Variants in GTF2E2 observed in about 807,000 individuals in gnomAD.
GTF2E2 encodes the protein transcription initiation factor IIE subunit beta.
A neutral mutation model predicts 40.5 loss-of-function variants in GTF2E2; 21 were observed. That is an observed-to-expected ratio of 0.52 (90% CI 0.37 to 0.75). GTF2E2 has a LOEUF of 0.75. Ranked by LOEUF, GTF2E2 falls within the 30% of genes least tolerant of loss-of-function variation. The probability of loss-of-function intolerance (pLI) is 0.00; values close to 1 mark genes in which losing one functional copy is unlikely to be tolerated. For missense variants in GTF2E2, 298 were observed against 338.4 expected (o/e 0.88, Z 0.94); for synonymous variants, 117 against 121.6 (o/e 0.96, Z 0.25).
At chr8:30,592,575 T>C (rs1157190715) in intron 6 of GTF2E2, among the ~76,000 whole-genome samples, 7 of 152,278 alleles carry the variant, frequency 4.6e-5, no homozygotes, top group African/African-American at 1.7e-4. Context: ...TGATATCAAA[T>C]GGTATAGTAT....
intron 2 of GTF2E2, among the ~76,000 whole-genome samples, 195 bp downstream of exon 2, chr8:30,653,238 T>TA (rs1271695379): frequency 6.6e-6 from 1 of 152,076 alleles, no homozygotes; most frequent in Non-Finnish European, 1.5e-5. Context: ...TTTAAAGAGG[T>TA]AATAACCTAA....
intron 1 of GTF2E2, among the ~76,000 whole-genome samples, chr8:30,655,738 CTG>C (rs1802430026): frequency 6.6e-6 from 1 of 152,194 alleles, no homozygotes; most frequent in Non-Finnish European, 1.5e-5. Context: ...AATAATCAGA[CTG>C]AATTTCAATT....
chr8:30,635,143 T>C lies in GTF2E2; in HGVS notation c.167-20A>G. 7.5e-7 allele frequency: 1 copy of C among 1,332,134 alleles called. No homozygotes were observed. Among genetic ancestry groups the C allele is most frequent in the Non-Finnish European group, 1.1e-6 (1 of 927,862 alleles). 82.5% of individuals were successfully genotyped at this position (1,332,134 alleles called of 1,614,324 possible). A position where few individuals can be genotyped will look rare whatever the true frequency, so the allele number is the denominator to read the frequency against. ...TATGATCTGCAAATGAAGTTCAAAA[T>C]AACATCGTCATATTATGTGTGATTA... is the stretch of plus-strand genomic sequence containing the variant. On this transcript the variant is annotated intron_variant, in intron 2 of 7. Transcript: ENST00000355904.
chr8:30,587,863 C>T (rs1828725840), intron 6 of GTF2E2, among the ~76,000 whole-genome samples: 1 of 124,972 alleles, frequency 8.0e-6, no homozygotes. Context: ...CAGAGCAAGA[C>T]TCCGTCTTAA....
chr8:30,603,970 C>A (rs776808619), intron 6 of GTF2E2, among the ~76,000 whole-genome samples: 3 of 150,208 alleles, frequency 2.0e-5, no homozygotes, highest in Non-Finnish European at 4.4e-5. Flanking sequence ...ACAGAATTAT[C>A]AAAATTGACT....
chr8:30,645,728 G>A lies in GTF2E2; in HGVS notation c.166+7705C>T, dbSNP rs1165719452. The A allele has an allele frequency of 4.3e-6, 4 of 923,290 alleles. No individual in the cohort carries two copies. The African/African-American group carries it at 6.7e-5, about 15-fold the overall frequency. The allele number at this position is 923,290 out of a possible 1,614,324, so 57.2% of individuals were successfully genotyped here. On this transcript the variant is annotated intron_variant, in intron 2 of 7. Transcript: ENST00000355904. ...TGGTTAAAACATTTCTAGTAGAAGG[G>A]GAAAAAAAAGTTAAACATGCACTGT...
At chr8:30,646,279 T>C (rs1229737735) in intron 2 of GTF2E2, among the ~76,000 whole-genome samples, 1 of 152,084 alleles carries the variant, frequency 6.6e-6, no homozygotes, top group Admixed American at 6.6e-5. Context: ...ATTTCCTGAG[T>C]TTGTTCTTTC....
Position 30,628,208 on chromosome 8 carries a change from A to G in GTF2E2, c.258+6824T>C, listed in dbSNP as rs1263659080. On this transcript the variant is annotated intron_variant, in intron 3 of 7. Coordinates refer to ENST00000355904, the MANE Select transcript of GTF2E2 (RefSeq NM_002095.6). The stretch of plus-strand genomic sequence containing the variant: ...CCAAGCTTCTGCCCAACTGAGAACA[A>G]GTAAGTTGCCTACTTTGATCAGGTG... Among the ~76,000 whole-genome samples, 3 of 152,330 alleles carry G rather than the reference A, an allele frequency of 2.0e-5. No individual in the cohort carries two copies. In the East Asian group the frequency reaches 5.8e-4, roughly 29 times the overall value.
At chr8:30,594,655 C>T (rs1234000823) in intron 6 of GTF2E2, among the ~76,000 whole-genome samples, 1 of 151,080 alleles carries the variant, frequency 6.6e-6, no homozygotes, top group Non-Finnish European at 1.5e-5. Flanking sequence ...GTCAGAAGTT[C>T]GAGACCAGCC....
intron 5 of GTF2E2, among the ~76,000 whole-genome samples, chr8:30,610,360 T>A (rs1829444660): frequency 6.7e-6 from 1 of 149,920 alleles, no homozygotes; most frequent in Non-Finnish European, 1.5e-5. Context: ...GCAGGACTAC[T>A]GCTTGAACCT....
At position 30,647,725 on chromosome 8, in the gene GTF2E2, T is replaced by C. The variant is rs80160651; in HGVS notation, c.166+5708A>G. Among the ~76,000 whole-genome samples the C allele has an allele frequency of 5.3e-3, 803 of 152,384 alleles. 8 individuals carry two copies. Among genetic ancestry groups the C allele is most frequent in the African/African-American group, 0.019 (777 of 41,598 alleles). On this transcript the variant is annotated intron_variant, in intron 2 of 7. Coordinates refer to ENST00000355904, the MANE Select transcript of GTF2E2 (RefSeq NM_002095.6). ...TGAAGCTTGGATATATAAAATACTT[T>C]GGAAACCAGGAACTGAGCACTGTTA...
chr8:30,615,508 A>G (rs1800893610), intron 3 of GTF2E2, among the ~76,000 whole-genome samples: 1 of 152,234 alleles, frequency 6.6e-6, no homozygotes, highest in Non-Finnish European at 1.5e-5. Context: ...ATTAGAAGAC[A>G]GATTAACTAC....
intron 5 of GTF2E2, among the ~76,000 whole-genome samples, chr8:30,611,545 T>C (rs1292631525): frequency 6.6e-6 from 1 of 151,568 alleles, no homozygotes; most frequent in African/African-American, 2.4e-5. Flanking sequence ...AAAAATACAA[T>C]TAAAAAATTC....
At chr8:30,644,279 G>A (rs1801975027) in intron 2 of GTF2E2, among the ~76,000 whole-genome samples, 1 of 152,112 alleles carries the variant, frequency 6.6e-6, no homozygotes, top group Non-Finnish European at 1.5e-5. Flanking sequence ...TTGTGAAATG[G>A]AATAATAACT....
At chr8:30,604,827 T>C (rs544028504) in intron 6 of GTF2E2, among the ~76,000 whole-genome samples, 33 of 152,110 alleles carry the variant, frequency 2.2e-4, no homozygotes, top group Admixed American at 5.2e-4. Flanking sequence ...AATAAGGAAA[T>C]AGAAAAGAGT....
Position 30,578,939 on chromosome 8 carries a change from G to A in GTF2E2, c.858C>T (p.Asp286=), listed in dbSNP as rs750601837. 3 of 1,565,102 alleles carry A rather than the reference G, an allele frequency of 1.9e-6. No homozygotes were observed. Among genetic ancestry groups the A allele is most frequent in the Non-Finnish European group, 2.6e-6 (3 of 1,135,282 alleles). Residue 286 remains aspartate (D), a synonymous_variant, in exon 8 of 8, where the codon GAC becomes GAT. Transcript: ENST00000355904. ...CTGTTCCCTATTTGCTGGAAGTAATGTCAGAGTAATCCTTCAGCACTCCAG... is the reference window on the plus strand; with the variant it reads ...CTGTTCCCTATTTGCTGGAAGTAATATCAGAGTAATCCTTCAGCACTCCAG... ...HLAGVLKDYS[D]ITSSK is the part of the protein sequence containing the mutation.
intron 5 of GTF2E2, among the ~76,000 whole-genome samples, chr8:30,611,608 C>A (rs1383162508): frequency 6.6e-6 from 1 of 152,064 alleles, no homozygotes; most frequent in African/African-American, 2.4e-5. Flanking sequence ...GTGAACTTGA[C>A]AATGGATTAA....
chr8:30,614,423 C>T (rs1800851828), intron 4 of GTF2E2, among the ~76,000 whole-genome samples, 185 bp downstream of exon 4: 1 of 151,848 alleles, frequency 6.6e-6, no homozygotes, highest in East Asian at 1.9e-4. Context: ...CTACTAAAAA[C>T]ACAAAAATTA....
intron 6 of GTF2E2, among the ~76,000 whole-genome samples, chr8:30,603,659 TA>T (rs1829243429): frequency 1.3e-5 from 2 of 151,780 alleles, no homozygotes; most frequent in Non-Finnish European, 2.9e-5. Context: ...ACAGGAAAAA[TA>T]AACAAAAACA....
Sources: allele counts gnomAD v4.1 joint callset (sites outside exome capture counted in the v4.1 genomes callset), GRCh38; gene constraint gnomAD v4.1.1; transcripts MANE v1.5; gene names NCBI Gene and HGNC (gene_info 2026-07-23, HGNC 2026-07-21).